PTPRM: variants seen among roughly 807,000 people sequenced by gnomAD.
The protein encoded by PTPRM is receptor-type tyrosine-protein phosphatase mu.
A neutral mutation model predicts 186.7 loss-of-function variants in PTPRM; 47 were observed. That is an observed-to-expected ratio of 0.25 (90% CI 0.20 to 0.32). The LOEUF is 0.32. Ranked by LOEUF, PTPRM falls within the 10% of genes least tolerant of loss-of-function variation. PTPRM has a pLI of 1.00. For synonymous variants in PTPRM, 668 were observed against 674.9 expected (o/e 0.99, Z 0.16); for missense variants, 1,494 against 1,865.0 (o/e 0.80, Z 3.66).
At chr18:8,083,713 A>G (rs950420420) in intron 9 of PTPRM, among the ~76,000 whole-genome samples, 1 of 152,130 alleles carries the variant, frequency 6.6e-6, no homozygotes, top group African/African-American at 2.4e-5. Flanking sequence ...TCAGTGTTCA[A>G]TCAATGTTTG....
intron 14 of PTPRM, among the ~76,000 whole-genome samples, chr18:8,207,383 T>C (rs182796062): frequency 6.6e-6 from 1 of 152,298 alleles, no homozygotes; most frequent in Admixed American, 6.5e-5. Context: ...AATGCAGTGA[T>C]TTATAGATAG....
chr18:8,217,949 T>C (rs2094109551), intron 14 of PTPRM, among the ~76,000 whole-genome samples: 1 of 152,222 alleles, frequency 6.6e-6, no homozygotes, highest in African/African-American at 2.4e-5. Context: ...TACAATCTGC[T>C]TGGCACATTT....
chr18:7,944,522 C>T (rs1490320327), intron 5 of PTPRM, among the ~76,000 whole-genome samples: 1 of 152,200 alleles, frequency 6.6e-6, no homozygotes, highest in Non-Finnish European at 1.5e-5. Flanking sequence ...AAATCTTTAA[C>T]ATGTCATACT....
At chr18:8,122,681 A>G (rs574228149) in intron 13 of PTPRM, among the ~76,000 whole-genome samples, 1 of 152,330 alleles carries the variant, frequency 6.6e-6, no homozygotes, top group Admixed American at 6.5e-5. Flanking sequence ...AAATTAGTCT[A>G]AAATGGTATT....
intron 2 of PTPRM, among the ~76,000 whole-genome samples, chr18:7,783,573 T>A (rs1374234802): frequency 2.6e-5 from 4 of 151,968 alleles, no homozygotes; most frequent in Non-Finnish European, 5.9e-5. Context: ...ATTATTTTAT[T>A]TATTTATTTG....
intron 7 of PTPRM, among the ~76,000 whole-genome samples, chr18:8,036,630 A>C (rs1456088273): frequency 1.3e-5 from 2 of 152,208 alleles, no homozygotes; most frequent in Non-Finnish European, 2.9e-5. Context: ...TACACAGATT[A>C]AAAGTTATGC....
chr18:7,575,887 T>C (rs1254236026), intron 1 of PTPRM, among the ~76,000 whole-genome samples: 1 of 152,108 alleles, frequency 6.6e-6, no homozygotes, highest in Non-Finnish European at 1.5e-5. Flanking sequence ...GACTAATGAG[T>C]CATCAAAAAC....
chr18:8,099,157 CTT>C (rs1555736305), intron 11 of PTPRM, among the ~76,000 whole-genome samples: 1,672 of 151,282 alleles, frequency 0.011, 30 homozygotes, highest in African/African-American at 0.038. Flanking sequence ...CTCTCTCTCT[CTT>C]TCTCTCTCTC....
At chr18:8,210,513 A>G (rs1447287397) in intron 14 of PTPRM, among the ~76,000 whole-genome samples, 1 of 152,180 alleles carries the variant, frequency 6.6e-6, no homozygotes. Context: ...CTCTACCTGC[A>G]TCTGGATTTT....
chr18:8,349,320 A>C (rs1262402812), intron 23 of PTPRM, among the ~76,000 whole-genome samples: 3 of 152,224 alleles, frequency 2.0e-5, no homozygotes, highest in Non-Finnish European at 4.4e-5. Context: ...GAGTTGTTCC[A>C]AGACATCAAA....
intron 1 of PTPRM, among the ~76,000 whole-genome samples, chr18:7,612,327 G>A (rs1304341509): frequency 6.6e-6 from 1 of 152,074 alleles, no homozygotes; most frequent in African/African-American, 2.4e-5. Flanking sequence ...GATGCTTTAA[G>A]GACAAGTGAT....
chr18:7,690,175 T>C (rs751728408), intron 1 of PTPRM, among the ~76,000 whole-genome samples: 14 of 152,224 alleles, frequency 9.2e-5, no homozygotes, highest in Non-Finnish European at 1.8e-4. Flanking sequence ...GACTTCTCTG[T>C]TACCATTCCT....
intron 14 of PTPRM, among the ~76,000 whole-genome samples, chr18:8,225,627 G>GC (rs1227838114): frequency 6.6e-6 from 1 of 152,184 alleles, no homozygotes; most frequent in Non-Finnish European, 1.5e-5. Context: ...ACCATCGGTA[G>GC]CCCTGCTGTC....
chr18:8,199,203 C>T (rs2093819816), intron 14 of PTPRM, among the ~76,000 whole-genome samples: 1 of 152,146 alleles, frequency 6.6e-6, no homozygotes, highest in Non-Finnish European at 1.5e-5. Flanking sequence ...TCAGCCTTAC[C>T]ACATGCAGTG....
intron 14 of PTPRM, among the ~76,000 whole-genome samples, chr18:8,207,407 G>A (rs935351152): frequency 2.0e-5 from 3 of 152,110 alleles, no homozygotes; most frequent in Non-Finnish European, 4.4e-5. Context: ...TGATGGTCAC[G>A]GGATTATATA....
intron 4 of PTPRM, among the ~76,000 whole-genome samples, chr18:7,918,743 A>G (rs181006042): frequency 2.9e-4 from 44 of 152,292 alleles, no homozygotes; most frequent in African/African-American, 9.9e-4. Context: ...CTCCCATTCC[A>G]TGGGCTCCCT....
intron 14 of PTPRM, among the ~76,000 whole-genome samples, chr18:8,150,718 G>A (rs572401126): frequency 6.6e-6 from 1 of 152,284 alleles, no homozygotes; most frequent in East Asian, 1.9e-4. Context: ...CTTTGGAGGA[G>A]AAGAGACATT....
chr18:8,267,535 CTTATT>C (rs1413904517), intron 19 of PTPRM, among the ~76,000 whole-genome samples: 6 of 152,066 alleles, frequency 3.9e-5, no homozygotes, highest in South Asian at 2.1e-4. Context: ...AGTTTCATAT[CTTATT>C]TTTACACTTA....
At chr18:7,891,154 C>T (rs1412186920) in intron 3 of PTPRM, among the ~76,000 whole-genome samples, 2 of 151,146 alleles carry the variant, frequency 1.3e-5, no homozygotes, top group South Asian at 2.1e-4. Flanking sequence ...GACATGGTGG[C>T]GTGTGCCTGT....
Sources: gnomAD v4.1 joint callset for allele counts (sites outside exome capture counted in the v4.1 genomes callset) on GRCh38, gnomAD v4.1.1 for gene constraint, MANE v1.5 for transcripts, NCBI Gene and HGNC (gene_info 2026-07-23, HGNC 2026-07-21) for gene names.